The following KAZN variants were observed in gnomAD, a reference collection of about 807,000 sequenced individuals.
KAZN encodes kazrin.
KAZN carries 40 observed loss-of-function variants against 87.4 expected under a neutral mutation model. The observed-to-expected ratio is 0.46, with a 90% confidence interval of 0.36 to 0.60. The LOEUF is 0.60. Among genes scored for constraint, KAZN ranks in the 20% least tolerant of loss-of-function variants. The pLI is 0.00. For missense variants in KAZN, 898 were observed against 1,073.9 expected (o/e 0.84, Z 2.29); for synonymous variants, 466 against 458.3 (o/e 1.02, Z -0.22).
chr1:14,514,773 T>C (rs1439178698), intron 2 of KAZN, among the ~76,000 whole-genome samples: 3 of 151,086 alleles, frequency 2.0e-5, no homozygotes, highest in Non-Finnish European at 1.5e-5. Context: ...TGACTTCAAC[T>C]TCCTGAGCCC....
chr1:15,031,304 T>C (rs1433715703), intron 2 of KAZN, among the ~76,000 whole-genome samples: 3 of 152,184 alleles, frequency 2.0e-5, no homozygotes, highest in Non-Finnish European at 4.4e-5. Flanking sequence ...TTTGCCTCCC[T>C]AACCCCCACC....
Position 14,769,679 on chromosome 1 carries a change from G to T in KAZN, c.226+170456G>T, listed in dbSNP as rs1420259104. On this transcript the variant is annotated intron_variant, in intron 1 of 14. Transcript: ENST00000376030. This position sits in a 1 kb window ranked among gnomAD's most constrained non-coding sequence, Gnocchi z 4.1. ...TGCCCTTCCAGGTCTTACCAACAGA[G>T]GGCTCTTGATTAGTGTCTAAGTGAT... Among the ~76,000 whole-genome samples the T allele has an allele frequency of 6.6e-6, 1 of 152,252 alleles. No individual in the cohort carries two copies. The highest frequency in any genetic ancestry group is 1.9e-4 in the East Asian group (1 of 5,170).
At chr1:14,182,583 G>C (rs1053182041) in intron 2 of KAZN, among the ~76,000 whole-genome samples, 1 of 152,180 alleles carries the variant, frequency 6.6e-6, no homozygotes, top group African/African-American at 2.4e-5. Context: ...TAGTGTCTCA[G>C]ATGAGTGTTG....
chr1:14,003,017 T>C (rs1207614402), intron 1 of KAZN, among the ~76,000 whole-genome samples: 3 of 152,166 alleles, frequency 2.0e-5, no homozygotes, highest in Non-Finnish European at 4.4e-5. Context: ...TGGAATACTA[T>C]GCAGCCATAA....
At chr1:14,719,922 G>C (rs187463566) in intron 1 of KAZN, among the ~76,000 whole-genome samples, 10 of 152,308 alleles carry the variant, frequency 6.6e-5, no homozygotes, top group Non-Finnish European at 1.2e-4. Context: ...CAGTGCAAAG[G>C]CCCTACAGCA....
At chr1:14,545,274 C>A (rs1243353243) in intron 2 of KAZN, among the ~76,000 whole-genome samples, 1 of 152,124 alleles carries the variant, frequency 6.6e-6, no homozygotes, top group Admixed American at 6.5e-5. Flanking sequence ...CAGAGGTAGC[C>A]AGGAGGTGGT....
rs1020527141 is a variant in KAZN at position 14,896,808 on chromosome 1, G to A, written c.227-63876G>A. ...GTTCTAGAGAGGGAAGAGCAAGAAT[G>A]TAACATTCTTGTAAGCTATAAAATC... On this transcript the variant is annotated intron_variant, in intron 1 of 14. Coordinates refer to ENST00000376030, the MANE Select transcript of KAZN (RefSeq NM_201628.3). 1.1e-4 allele frequency among the ~76,000 whole-genome samples: 16 copies of A among 152,304 alleles called. No individual in the cohort carries two copies. In the East Asian group the frequency reaches 2.9e-3, roughly 28 times the overall value.
chr1:15,033,863 C>A (rs1232059146), intron 2 of KAZN, among the ~76,000 whole-genome samples: 1 of 152,116 alleles, frequency 6.6e-6, no homozygotes, highest in East Asian at 1.9e-4. Flanking sequence ...CTCAGCCTCC[C>A]GAATAACTGG....
chr1:14,174,775 CAT>C (rs147858781), intron 1 of KAZN, among the ~76,000 whole-genome samples: 4,119 of 152,208 alleles, frequency 0.027, 187 homozygotes, highest in African/African-American at 0.094. Context: ...TAATAGTTAA[CAT>C]TTTTTTACAT....
At chr1:14,988,903 C>T (rs1667090223) in intron 2 of KAZN, among the ~76,000 whole-genome samples, 1 of 152,240 alleles carries the variant, frequency 6.6e-6, no homozygotes, top group African/African-American at 2.4e-5. Flanking sequence ...CATGCGAGAC[C>T]ACCTTCCTTG....
At chr1:14,968,870 C>G (rs971745206) in intron 2 of KAZN, among the ~76,000 whole-genome samples, 3 of 152,230 alleles carry the variant, frequency 2.0e-5, no homozygotes, top group Admixed American at 2.0e-4. Context: ...TCAGAGCATT[C>G]CAGGCCCTGC....
chr1:13,992,169 T>C (rs761252932), intron 1 of KAZN, among the ~76,000 whole-genome samples: 2 of 152,238 alleles, frequency 1.3e-5, no homozygotes, highest in Non-Finnish European at 2.9e-5. Context: ...AAAATATTTT[T>C]GTCTCCCTGC....
At chr1:14,552,002 TTTC>T (rs2148513395) in intron 2 of KAZN, among the ~76,000 whole-genome samples, 1 of 152,308 alleles carries the variant, frequency 6.6e-6, no homozygotes, top group African/African-American at 2.4e-5. Flanking sequence ...TCTTCCTTTC[TTTC>T]TTTTTTTCTT....
At chr1:14,119,662 A>G (rs185649773) in intron 1 of KAZN, among the ~76,000 whole-genome samples, 41 of 152,252 alleles carry the variant, frequency 2.7e-4, no homozygotes, top group Middle Eastern at 3.4e-3. Flanking sequence ...AGAGAGTCCA[A>G]CCCAGTGTGG....
intron 1 of KAZN, among the ~76,000 whole-genome samples, chr1:14,625,756 C>T (rs1380823684): frequency 1.8e-4 from 28 of 152,146 alleles, no homozygotes. Context: ...GAGGTTTGTG[C>T]GTTGGACGAT....
At chr1:14,875,746 C>A (rs1652697076) in intron 1 of KAZN, among the ~76,000 whole-genome samples, 1 of 152,206 alleles carries the variant, frequency 6.6e-6, no homozygotes, top group African/African-American at 2.4e-5. Flanking sequence ...CAAATCAGGG[C>A]TCCTTCGCCC....
rs1161138218 is a variant in KAZN at position 14,906,174 on chromosome 1, TATTATAATAATAATAATAATAATAATA to T, written c.227-54507_227-54481del. 1.0e-4 allele frequency among the ~76,000 whole-genome samples: 15 copies of T among 143,638 alleles called. 1 individual carries two copies. Among genetic ancestry groups the T allele is most frequent in the Admixed American group, 8.2e-4 (12 of 14,634 alleles). The allele number at this position is 143,638 out of a possible 152,430, so 94.2% of individuals were successfully genotyped here. ...GATCGAGACTCCATCTCAAAAAATA[TATTATAATAATAATAATAATAATAATA>T]ATAATAATAATAATAATACAGCACA... is the stretch of plus-strand genomic sequence containing the variant. On this transcript the variant is annotated intron_variant, in intron 1 of 14. Coordinates refer to ENST00000376030, the MANE Select transcript of KAZN (RefSeq NM_201628.3).
chr1:14,217,728 C>A (rs934814737), intron 2 of KAZN, among the ~76,000 whole-genome samples: 24 of 152,076 alleles, frequency 1.6e-4, no homozygotes, highest in African/African-American at 5.5e-4. Context: ...CCCAAAATAA[C>A]CAACACTGAG....
At chr1:14,126,927 G>A (rs1465064201) in intron 1 of KAZN, among the ~76,000 whole-genome samples, 2 of 152,194 alleles carry the variant, frequency 1.3e-5, no homozygotes, top group Admixed American at 6.5e-5. Flanking sequence ...CCAACATGGT[G>A]AAACCCCGTC....
Sources: gnomAD v4.1 joint callset for allele counts (sites outside exome capture counted in the v4.1 genomes callset) on GRCh38, gnomAD v4.1.1 for gene constraint, Gnocchi (gnomAD v3.1) non-coding constraint, MANE v1.5 for transcripts, NCBI Gene and HGNC (gene_info 2026-07-23, HGNC 2026-07-21) for gene names.